The following ADAM15 variants were observed in gnomAD, a reference collection of about 807,000 sequenced individuals.
The protein encoded by ADAM15 is disintegrin and metalloproteinase domain-containing protein 15.
Under a neutral mutation model 113.8 loss-of-function variants are expected in ADAM15, and 77 were observed. The observed-to-expected ratio is 0.68, with a 90% confidence interval of 0.56 to 0.82. The LOEUF is 0.82. Ranked by LOEUF, ADAM15 falls within the 40% of genes least tolerant of loss-of-function variation. ADAM15 has a pLI of 0.00. For missense variants in ADAM15, 963 were observed against 1,120.1 expected (o/e 0.86, Z 2.00); for synonymous variants, 388 against 454.1 (o/e 0.85, Z 1.85).
intron 18 of ADAM15, 41 bp from the exon 19 acceptor site, chr1:155,060,722 G>A: frequency 6.3e-7 from 1 of 1,594,536 alleles, no homozygotes; most frequent in Middle Eastern, 1.7e-4. Flanking sequence ...AACAGGGTCT[G>A]AGGCTGGGCC....
Position 155,062,211 on chromosome 1 carries a change from C to G in ADAM15, c.2425-34C>G, listed in dbSNP as rs915928536. On this transcript the variant is annotated intron_variant, in intron 21 of 22. Coordinates refer to ENST00000356955, the MANE Select transcript of ADAM15 (RefSeq NM_207197.3). This position sits in a 1 kb window ranked among gnomAD's most constrained non-coding sequence, Gnocchi z 7.0. ...GGGGGTGGGCAACATGACACCCCCC[C>G]ACCTAAGCCGGCCTCCTGCCTTCTC... 3 of 1,446,640 alleles carry G rather than the reference C, an allele frequency of 2.1e-6. No homozygotes were observed. Among genetic ancestry groups the G allele is most frequent in the East Asian group, 2.5e-5 (1 of 39,802 alleles). The allele number at this position is 1,446,640 out of a possible 1,614,324, so 89.6% of individuals were successfully genotyped here.
Position 155,056,468 on chromosome 1 carries a change from A to T in ADAM15, c.997A>T (p.Met333Leu). 6.2e-7 allele frequency: 1 copy of T among 1,613,616 alleles called. No homozygotes were observed. The highest frequency in any genetic ancestry group is 8.5e-7 in the Non-Finnish European group (1 of 1,179,578). The change falls in exon 10 of 23, where the codon ATG (methionine) becomes TTG (leucine). Residue 333 changes from methionine (M) to leucine (L), a missense_variant and splice_region_variant. Met to Leu is a conservative substitution (Grantham distance 15). Coordinates refer to ENST00000356955, the MANE Select transcript of ADAM15 (RefSeq NM_207197.3). The surrounding 1 kb of genome is among the most constrained non-coding windows in gnomAD (Gnocchi z 4.0). ...CSPDFSGGVNMDHSTSILGVA... is the reference protein window; with the variant it reads ...CSPDFSGGVNLDHSTSILGVA... ...TCCTGACTTCTCAGGAGGTGTGAACATGGTGAGTTATTTCCAGGTCTCCTC... is the reference window on the plus strand; with the variant it reads ...TCCTGACTTCTCAGGAGGTGTGAACTTGGTGAGTTATTTCCAGGTCTCCTC...
chr1:155,051,916 G>C (rs1342266598), intron 1 of ADAM15: 1 of 160,924 alleles, frequency 6.2e-6, no homozygotes. Flanking sequence ...CAGGCCTGGG[G>C]CCGCCAGGCA....
rs201924817 is a variant in ADAM15, at chr1:155,055,849, G to A, written c.672G>A (p.Ser224=). ...AGTTGGTGATTGTGGCTGATCACTC[G>A]GAGGTGAGCCTGCTGGCCCCTGCAC... ...TVELVIVADH[S]EAQKYRDFQH... is the part of the protein sequence containing the mutation. Residue 224 remains serine (S), a synonymous_variant, in exon 7 of 23, where the codon TCG becomes TCA. Coordinates refer to ENST00000356955, the MANE Select transcript of ADAM15 (RefSeq NM_207197.3). 8.5e-5 allele frequency: 137 copies of A among 1,614,190 alleles called. No individual in the cohort carries two copies. The East Asian group carries it at 8.7e-4, about 10-fold the overall frequency.
rs1427072519 is a variant in ADAM15, at chr1:155,058,054, GC to G, written c.1623del (p.Ala542LeufsTer62). ...CQSLWGPGAQPAAPLCLQTAN... is the reference protein window; with the variant it reads ...CQSLWGPGAQXAAPLCLQTAN... ...AGTCACTTTGGGGACCTGGAGCCCA[GC>G]CCGCTGCGCCACTTTGCCTCCAGAC... On this transcript the variant is annotated frameshift_variant, in exon 14 of 23. Coordinates refer to ENST00000356955, the MANE Select transcript of ADAM15 (RefSeq NM_207197.3). LOFTEE classifies it high-confidence loss of function. This position sits in a 1 kb window ranked among gnomAD's most constrained non-coding sequence, Gnocchi z 4.3. 1 of 1,613,996 alleles carries G rather than the reference GC, an allele frequency of 6.2e-7. No homozygotes were observed. The highest frequency in any genetic ancestry group is 1.3e-5 in the African/African-American group (1 of 74,938).
chr1:155,054,785 G>C (rs564723011), intron 6 of ADAM15, among the ~76,000 whole-genome samples: 1 of 152,110 alleles, frequency 6.6e-6, no homozygotes, highest in Admixed American at 6.5e-5. Flanking sequence ...TGGAAGAATC[G>C]CTTGAGCCCA....
At chr1:155,061,751 G>A (rs1558134729) in intron 20 of ADAM15, 153 bp from the exon 21 acceptor site, 1 of 933,876 alleles carries the variant, frequency 1.1e-6, no homozygotes, top group Non-Finnish European at 1.6e-6. Context: ...TGAGACATCA[G>A]CTGGCATGCC....
chr1:155,062,142 G>A lies in ADAM15; in HGVS notation c.2425-103G>A, dbSNP rs1222089713. On this transcript the variant is annotated intron_variant, in intron 21 of 22. Transcript: ENST00000356955. The surrounding 1 kb of genome is among the most constrained non-coding windows in gnomAD (Gnocchi z 7.0). ...GGTTTGTTTGCAGACAAGGGTGACC[G>A]CTGGTGCTGCCCCCAAGCTGGTGTT... is the stretch of plus-strand genomic sequence containing the variant. 4 of 1,446,024 alleles carry A rather than the reference G, an allele frequency of 2.8e-6. No individual in the cohort carries two copies. Among genetic ancestry groups the A allele is most frequent in the Middle Eastern group, 2.6e-4 (1 of 3,892 alleles). 89.6% of individuals were successfully genotyped at this position (1,446,024 alleles called of 1,614,324 possible).
chr1:155,058,150 C>A lies in ADAM15; in HGVS notation c.1716C>A (p.Thr572=). ...CCAGTGGCAGTTATGTGTCCTGCAC[C>A]CCTAGGTAAGTGAGGAAACCTGGCT... is the stretch of plus-strand genomic sequence containing the variant. The part of the protein sequence containing the change: ...RNPSGSYVSC[T]PRDAICGQLQ... The change falls in exon 14 of 23, where the codon ACC becomes ACA. Residue 572 remains threonine (T), a synonymous_variant. Transcript: ENST00000356955. The surrounding 1 kb of genome is among the most constrained non-coding windows in gnomAD (Gnocchi z 4.3). 6.2e-7 allele frequency: 1 copy of A among 1,611,686 alleles called. No individual in the cohort carries two copies. The highest frequency in any genetic ancestry group is 1.1e-5 in the South Asian group (1 of 91,022).
Position 155,058,644 on chromosome 1 carries a change from A to C in ADAM15, c.1918-66A>C. On this transcript the variant is annotated intron_variant, in intron 15 of 22. Transcript: ENST00000356955. The surrounding 1 kb of genome is among the most constrained non-coding windows in gnomAD (Gnocchi z 4.3). Reference sequence around the variant, plus strand: ...AAACGCAGGGTATGGCCTCAACCTTATTGGCCTCCCAGTCCCATTAAAGCT... The same window carrying C: ...AAACGCAGGGTATGGCCTCAACCTTCTTGGCCTCCCAGTCCCATTAAAGCT... 6.4e-7 allele frequency: 1 copy of C among 1,574,706 alleles called. No homozygotes were observed.
At position 155,058,135 on chromosome 1, in the gene ADAM15, TTA is replaced by T. The variant is rs778070611; in HGVS notation, c.1703_1704del (p.Tyr568CysfsTer6). On this transcript the variant is annotated frameshift_variant, in exon 14 of 23. Transcript: ENST00000356955. LOFTEE classifies it high-confidence loss of function. This position sits in a 1 kb window ranked among gnomAD's most constrained non-coding sequence, Gnocchi z 4.3. The part of the protein sequence containing the change: ...GSCGRNPSGS[Y>X]VSCTPRDAIC... ...GCTGTGGGCGCAACCCCAGTGGCAG[TTA>T]TGTGTCCTGCACCCCTAGGTAAGTG... The T allele has an allele frequency of 3.7e-6, 6 of 1,612,872 alleles. No individual in the cohort carries two copies. The highest frequency in any genetic ancestry group is 5.1e-6 in the Non-Finnish European group (6 of 1,179,096).
Position 155,060,349 on chromosome 1 carries a change from A to T in ADAM15, c.2207+6A>T, listed in dbSNP as rs1186033788. On this transcript the variant is annotated splice_donor_region_variant and intron_variant, in intron 18 of 22. Transcript: ENST00000356955. ...GGACCCACCTGCCAGTACAGGTATGAGCATCACCTCCCTGCTACCACTTCC... is the reference window on the plus strand; with the variant it reads ...GGACCCACCTGCCAGTACAGGTATGTGCATCACCTCCCTGCTACCACTTCC... 6.2e-7 allele frequency: 1 copy of T among 1,613,304 alleles called. No homozygotes were observed. The highest frequency in any genetic ancestry group is 1.7e-5 in the Admixed American group (1 of 59,988).
chr1:155,054,152 G>A lies in ADAM15; in HGVS notation c.345G>A (p.Glu115=), dbSNP rs1358925643. ...TRVVSEGHTL[E]NCCYQGRVRG... is the part of the protein sequence containing the mutation. ...CTAATGTTGTTCCCATGCTGCAGGAGAACTGCTGCTACCAGGGAAGAGTGC... is the reference window on the plus strand; with the variant it reads ...CTAATGTTGTTCCCATGCTGCAGGAAAACTGCTGCTACCAGGGAAGAGTGC... Residue 115 remains glutamate, a splice_region_variant and synonymous_variant, in exon 5 of 23, where the codon GAG becomes GAA. Coordinates refer to ENST00000356955, the MANE Select transcript of ADAM15 (RefSeq NM_207197.3). 3 of 1,613,888 alleles carry A rather than the reference G, an allele frequency of 1.9e-6. No individual in the cohort carries two copies. The highest frequency in any genetic ancestry group is 2.5e-6 in the Non-Finnish European group (3 of 1,179,986).
At position 155,057,584 on chromosome 1, in the gene ADAM15, G is replaced by A. The variant is rs1029921033; in HGVS notation, c.1324-53G>A. The stretch of plus-strand genomic sequence containing the variant: ...GTGGGAGGAGGAGAGATTGGAGGGA[G>A]GCTCACAGGCCCCACCTGCTCTGAT... On this transcript the variant is annotated intron_variant, in intron 12 of 22. Coordinates refer to ENST00000356955, the MANE Select transcript of ADAM15 (RefSeq NM_207197.3). This position sits in a 1 kb window ranked among gnomAD's most constrained non-coding sequence, Gnocchi z 5.0. The A allele has an allele frequency of 4.4e-6, 7 of 1,593,994 alleles. No homozygotes were observed. Among genetic ancestry groups the A allele is most frequent in the Non-Finnish European group, 6.0e-6 (7 of 1,162,514 alleles).
At position 155,062,484 on chromosome 1, in the gene ADAM15, G is replaced by A. The variant is rs759861768; in HGVS notation, c.2574G>A (p.Val858=). The A allele has an allele frequency of 3.7e-6, 6 of 1,613,372 alleles. No homozygotes were observed. The stretch of plus-strand genomic sequence containing the variant: ...GACCAGCGCCACCGCCTCCGACAGT[G>A]TCCTCGCTCTACCTCTGACCTCTCC... The part of the protein sequence containing the change: ...PSRPAPPPPT[V]SSLYL The change falls in exon 23 of 23, where the codon GTG becomes GTA. Residue 858 remains valine, a synonymous_variant. Coordinates refer to ENST00000356955, the MANE Select transcript of ADAM15 (RefSeq NM_207197.3). This position sits in a 1 kb window ranked among gnomAD's most constrained non-coding sequence, Gnocchi z 7.0.
rs1662112588 is a variant in ADAM15, at chr1:155,058,591, C to T, written c.1918-119C>T. 6.4e-7 allele frequency: 1 copy of T among 1,552,634 alleles called. No homozygotes were observed. ...TTCAGATGGAGCAAAGTCCTATCAA[C>T]TCACTATGCCTTGGTTTCCCCATCT... On this transcript the variant is annotated intron_variant, in intron 15 of 22. Coordinates refer to ENST00000356955, the MANE Select transcript of ADAM15 (RefSeq NM_207197.3). The surrounding 1 kb of genome is among the most constrained non-coding windows in gnomAD (Gnocchi z 4.3).
chr1:155,057,682 C>T lies in ADAM15; in HGVS notation c.1369C>T (p.Pro457Ser), dbSNP rs1419277952. ...TGATTCTTTGACCTGCCAGCTGAGG[C>T]CAGGTGCACAGTGTGCATCTGACGG... Reference protein sequence around the residue: ...CCDSLTCQLRPGAQCASDGPC... With the variant: ...CCDSLTCQLRSGAQCASDGPC... Residue 457 changes from proline (P) to serine (S), a missense_variant, in exon 13 of 23, where the codon CCA (proline) becomes TCA (serine). Pro to Ser is a moderately conservative substitution (Grantham distance 74). Coordinates refer to ENST00000356955, the MANE Select transcript of ADAM15 (RefSeq NM_207197.3). This position sits in a 1 kb window ranked among gnomAD's most constrained non-coding sequence, Gnocchi z 5.0. 6.2e-7 allele frequency: 1 copy of T among 1,614,164 alleles called. No individual in the cohort carries two copies. Among genetic ancestry groups the T allele is most frequent in the South Asian group, 1.1e-5 (1 of 91,078 alleles).
chr1:155,055,564 G>A (rs527714627), intron 6 of ADAM15: 2 of 580,878 alleles, frequency 3.4e-6, no homozygotes, highest in African/African-American at 1.9e-5. Context: ...AAACCACTGA[G>A]TTTGGAGCCA....
rs111355590 is a variant in ADAM15 at position 155,062,774 on chromosome 1, T to C, written c.*272T>C. 1 of 419,426 alleles carries C rather than the reference T, an allele frequency of 2.4e-6. No homozygotes were observed. The highest frequency in any genetic ancestry group is 4.3e-6 in the Non-Finnish European group (1 of 235,124). The allele number at this position is 419,426 out of a possible 1,614,324, so 26.0% of individuals were successfully genotyped here. A position where few individuals can be genotyped will look rare whatever the true frequency, so the allele number is the denominator to read the frequency against. The stretch of plus-strand genomic sequence containing the variant: ...CAATAAACGTGACATCTTGGGAGCG[T>C]TCCCCAGAGTTTGTCTGCTTCTAGA... On this transcript the variant is annotated 3_prime_UTR_variant, in exon 23 of 23. Transcript: ENST00000356955. This position sits in a 1 kb window ranked among gnomAD's most constrained non-coding sequence, Gnocchi z 7.0.
Sources: allele counts gnomAD v4.1 joint callset (sites outside exome capture counted in the v4.1 genomes callset), GRCh38; gene constraint gnomAD v4.1.1; non-coding constraint Gnocchi (gnomAD v3.1); transcripts MANE v1.5; gene names NCBI Gene and HGNC (gene_info 2026-07-23, HGNC 2026-07-21).